Variants in NRXN1 observed in about 807,000 individuals in gnomAD.
NRXN1 encodes neurexin-1.
Under a neutral mutation model 150.9 loss-of-function variants are expected in NRXN1, and 39 were observed. That is an observed-to-expected ratio of 0.26 (90% CI 0.20 to 0.34). The LOEUF (loss-of-function observed/expected upper bound fraction) is 0.34. Ranked by LOEUF, NRXN1 falls within the 10% of genes least tolerant of loss-of-function variation. The pLI, the probability that NRXN1 is intolerant of heterozygous loss-of-function variation, is 1.00. For missense variants in NRXN1, 1,815 were observed against 1,949.9 expected, an observed-to-expected ratio of 0.93 and a Z score of 1.30; for synonymous variants, 924 against 757.0, an observed-to-expected ratio of 1.22 and a Z score of -3.62.
At chr2:50,828,512 C>T (rs1264982999) in intron 5 of NRXN1, among the ~76,000 whole-genome samples, 3 of 148,018 alleles carry the variant, frequency 2.0e-5, no homozygotes, top group Non-Finnish European at 3.0e-5. Flanking sequence ...CCTTCTCAGA[C>T]GGGGCGGCTG....
At chr2:50,101,787 C>T (rs1362807020) in intron 18 of NRXN1, among the ~76,000 whole-genome samples, 1 of 151,942 alleles carries the variant, frequency 6.6e-6, no homozygotes, top group Non-Finnish European at 1.5e-5. Context: ...ATTTGTGAAT[C>T]ATGACTTGCA....
At chr2:50,888,860 C>T (rs187222208) in intron 5 of NRXN1, among the ~76,000 whole-genome samples, 6 of 151,618 alleles carry the variant, frequency 4.0e-5, no homozygotes, top group Non-Finnish European at 5.9e-5. Context: ...GAAATGGCTT[C>T]CTTTAACCTG....
At chr2:49,976,267 G>C (rs182912504) in intron 21 of NRXN1, among the ~76,000 whole-genome samples, 2 of 151,008 alleles carry the variant, frequency 1.3e-5, no homozygotes, top group East Asian at 3.9e-4. Flanking sequence ...TCCTGATCTC[G>C]AGTGATCCGC....
At chr2:50,868,330 C>T (rs114962448) in intron 5 of NRXN1, among the ~76,000 whole-genome samples, 7,400 of 141,702 alleles carry the variant, frequency 0.052, 224 homozygotes, top group East Asian at 0.073. Context: ...CACCTATAAG[C>T]GAAAGGTAAA....
chr2:50,836,370 T>C (rs879409164), intron 5 of NRXN1, among the ~76,000 whole-genome samples: 3 of 152,126 alleles, frequency 2.0e-5, no homozygotes, highest in Non-Finnish European at 4.4e-5. Context: ...AAATATACAG[T>C]GCATTATGAT....
intron 17 of NRXN1, among the ~76,000 whole-genome samples, chr2:50,385,568 A>G (rs2081279301): frequency 6.6e-6 from 1 of 152,204 alleles, no homozygotes; most frequent in Non-Finnish European, 1.5e-5. Flanking sequence ...CAGGAGTGGC[A>G]GCGTGCCATT....
At chr2:50,533,108 T>G (rs1015010579) in intron 10 of NRXN1, among the ~76,000 whole-genome samples, 2 of 152,182 alleles carry the variant, frequency 1.3e-5, no homozygotes, top group African/African-American at 4.8e-5. Flanking sequence ...TTTGTTGTCA[T>G]GATGGGATTA....
chr2:50,811,841 T>C (rs1050574252), intron 5 of NRXN1, among the ~76,000 whole-genome samples: 7 of 152,170 alleles, frequency 4.6e-5, no homozygotes, highest in African/African-American at 1.7e-4. Flanking sequence ...CTGGAGTAAA[T>C]AGGTCACAAT....
intron 19 of NRXN1, among the ~76,000 whole-genome samples, chr2:50,076,103 C>CA (rs1171557153): frequency 6.6e-6 from 1 of 152,156 alleles, no homozygotes; most frequent in Non-Finnish European, 1.5e-5. Context: ...TATTTTGTGC[C>CA]ACTCATTTGA....
chr2:50,996,173 AT>A (rs1485644765), intron 2 of NRXN1, among the ~76,000 whole-genome samples: 2 of 152,138 alleles, frequency 1.3e-5, no homozygotes, highest in Non-Finnish European at 2.9e-5. Context: ...AAGATGTTAA[AT>A]GGGCAGTTTG....
At chr2:50,151,854 A>C (rs1468261557) in intron 18 of NRXN1, among the ~76,000 whole-genome samples, 1 of 151,778 alleles carries the variant, frequency 6.6e-6, no homozygotes, top group Non-Finnish European at 1.5e-5. Flanking sequence ...ATGCAGCTGT[A>C]AAATAGGCAA....
intron 5 of NRXN1, among the ~76,000 whole-genome samples, chr2:50,856,079 T>C: frequency 6.6e-6 from 1 of 151,554 alleles, no homozygotes; most frequent in East Asian, 1.9e-4. Context: ...ATGCATTGCA[T>C]GAGACCTTTG....
Position 50,911,615 on chromosome 2 carries a change from C to A in NRXN1, c.832+10254G>T, listed in dbSNP as rs1219433713. ...TCATTATCATCATCCTTTTCCATTG[C>A]ATCAAGATATATTTGTGCCAGATTT... On this transcript the variant is annotated intron_variant, in intron 5 of 22. Coordinates refer to ENST00000401669, the MANE Select transcript of NRXN1 (RefSeq NM_001330078.2). Among the ~76,000 whole-genome samples, 5 of 151,882 alleles carry A rather than the reference C, an allele frequency of 3.3e-5. No homozygotes were observed. In the East Asian group the frequency reaches 7.8e-4, roughly 24 times the overall value.
intron 21 of NRXN1, among the ~76,000 whole-genome samples, chr2:49,994,688 G>A (rs931323748): frequency 6.6e-6 from 1 of 152,110 alleles, no homozygotes; most frequent in Admixed American, 6.5e-5. Context: ...CTAAACCCCA[G>A]AGGCAAACTT....
At chr2:49,956,840 T>TA (rs1675053136) in intron 21 of NRXN1, among the ~76,000 whole-genome samples, 1 of 152,176 alleles carries the variant, frequency 6.6e-6, no homozygotes, top group African/African-American at 2.4e-5. Context: ...TAATTTGAGA[T>TA]ATCATGAGCC....
chr2:50,104,395 T>C (rs2152714861), intron 18 of NRXN1, among the ~76,000 whole-genome samples: 1 of 152,046 alleles, frequency 6.6e-6, no homozygotes, highest in Admixed American at 6.6e-5. Flanking sequence ...CAAAACCTAA[T>C]AGAGAAGGTA....
At chr2:50,932,885 C>T (rs1270681733) in intron 2 of NRXN1, among the ~76,000 whole-genome samples, 1 of 151,862 alleles carries the variant, frequency 6.6e-6, no homozygotes, top group Non-Finnish European at 1.5e-5. Flanking sequence ...AGAAAAACCT[C>T]AGAGAAAAAT....
At chr2:50,711,229 C>T (rs1695096564) in intron 5 of NRXN1, among the ~76,000 whole-genome samples, 1 of 151,934 alleles carries the variant, frequency 6.6e-6, no homozygotes, top group Admixed American at 6.6e-5. Flanking sequence ...ATTGAAAAAC[C>T]ACATTCCCAG....
chr2:50,017,450 A>C (rs1686835839), intron 21 of NRXN1, among the ~76,000 whole-genome samples: 1 of 152,338 alleles, frequency 6.6e-6, no homozygotes, highest in Non-Finnish European at 1.5e-5. Context: ...AAAAGTCAAA[A>C]AAAATTGGAA....
Sources: gnomAD v4.1 joint callset for allele counts (sites outside exome capture counted in the v4.1 genomes callset) on GRCh38, gnomAD v4.1.1 for gene constraint, MANE v1.5 for transcripts, NCBI Gene and HGNC (gene_info 2026-07-23, HGNC 2026-07-21) for gene names.